PPM1H: variants seen among roughly 807,000 people sequenced by gnomAD.
PPM1H encodes the protein protein phosphatase 1H.
Under a neutral mutation model 54.9 loss-of-function variants are expected in PPM1H, and 27 were observed. The observed-to-expected ratio is 0.49, with a 90% CI of 0.36 to 0.68. PPM1H has a LOEUF of 0.68. Among genes scored for constraint, PPM1H ranks in the 30% least tolerant of loss-of-function variants. The probability of loss-of-function intolerance (pLI) is 0.00; values close to 1 mark genes in which losing one functional copy is unlikely to be tolerated. For missense variants in PPM1H, 596 were observed against 667.8 expected (o/e 0.89, Z 1.19); for synonymous variants, 305 against 270.8 (o/e 1.13, Z -1.24).
At chr12:62,847,947 C>T (rs1338875960) in intron 1 of PPM1H, among the ~76,000 whole-genome samples, 4 of 152,094 alleles carry the variant, frequency 2.6e-5, no homozygotes, top group South Asian at 2.1e-4. Context: ...TTCCTTATTG[C>T]ATTTTAATCT....
chr12:62,669,720 C>T (rs957733828), intron 8 of PPM1H, among the ~76,000 whole-genome samples: 2 of 151,986 alleles, frequency 1.3e-5, no homozygotes, highest in African/African-American at 4.8e-5. Flanking sequence ...TCACTTGAGG[C>T]CAGGAGTTCG....
chr12:62,934,812 A>G lies in PPM1H; in HGVS notation c.-76T>C. On this transcript the variant is annotated 5_prime_UTR_variant, in exon 1 of 10. Coordinates refer to ENST00000228705, the MANE Select transcript of PPM1H (RefSeq NM_020700.2). This position sits in a 1 kb window ranked among gnomAD's most constrained non-coding sequence, Gnocchi z 4.2. The stretch of plus-strand genomic sequence containing the variant: ...GGGCAAGGCGCAGCGCGGGGCATGC[A>G]GGCTGCGGTGGGCGCCGGGCGCACG... 1 of 1,273,112 alleles carries G rather than the reference A, an allele frequency of 7.9e-7. No individual in the cohort carries two copies. Among genetic ancestry groups the G allele is most frequent in the Non-Finnish European group, 1.0e-6 (1 of 1,004,662 alleles). The allele number at this position is 1,273,112 out of a possible 1,614,324, so 78.9% of individuals were successfully genotyped here. A position where few individuals can be genotyped will look rare whatever the true frequency, so the allele number is the denominator to read the frequency against.
At chr12:62,719,279 T>C (rs2076251501) in intron 6 of PPM1H, among the ~76,000 whole-genome samples, 1 of 152,174 alleles carries the variant, frequency 6.6e-6, no homozygotes, top group Non-Finnish European at 1.5e-5. Flanking sequence ...TTTTGGTCAA[T>C]GGGGAAGAGA....
intron 9 of PPM1H, among the ~76,000 whole-genome samples, chr12:62,654,197 G>A (rs2075831035): frequency 8.5e-6 from 1 of 117,628 alleles, no homozygotes; most frequent in Non-Finnish European, 1.6e-5. Flanking sequence ...CAATCTGGGT[G>A]ACAGAGAGAG....
At chr12:62,696,208 CAG>C (rs1359853531) in intron 6 of PPM1H, among the ~76,000 whole-genome samples, 2 of 152,176 alleles carry the variant, frequency 1.3e-5, no homozygotes, top group African/African-American at 2.4e-5. Flanking sequence ...TCTCACATGG[CAG>C]AGTGTTGCAG....
At chr12:62,791,983 A>G (rs1170888806) in intron 3 of PPM1H, among the ~76,000 whole-genome samples, 1 of 152,180 alleles carries the variant, frequency 6.6e-6, no homozygotes, top group African/African-American at 2.4e-5. Context: ...TAGAATGTGA[A>G]TGATGTTTGT....
At chr12:62,896,858 C>A (rs1179051657) in intron 1 of PPM1H, among the ~76,000 whole-genome samples, 1 of 152,076 alleles carries the variant, frequency 6.6e-6, no homozygotes, top group African/African-American at 2.4e-5. Context: ...CCCAAATGTC[C>A]ATCAATGATA....
At chr12:62,686,945 T>A (rs117336450) in intron 8 of PPM1H, among the ~76,000 whole-genome samples, 1 of 152,154 alleles carries the variant, frequency 6.6e-6, no homozygotes, top group Admixed American at 6.5e-5. Context: ...TTTGTGCCCA[T>A]AAAGGGTACT....
chr12:62,651,938 G>C (rs1337291830), intron 9 of PPM1H, among the ~76,000 whole-genome samples: 1 of 152,136 alleles, frequency 6.6e-6, no homozygotes, highest in African/African-American at 2.4e-5. Context: ...CCCACTCCAA[G>C]TTCTCCTGTG....
intron 2 of PPM1H, among the ~76,000 whole-genome samples, chr12:62,818,899 T>A (rs1302988265): frequency 6.8e-6 from 1 of 147,638 alleles, no homozygotes; most frequent in Non-Finnish European, 1.5e-5. Flanking sequence ...TGGCCCACTG[T>A]AACCTCCACC....
chr12:62,708,496 G>A (rs913756915), intron 6 of PPM1H, among the ~76,000 whole-genome samples: 1 of 152,138 alleles, frequency 6.6e-6, no homozygotes, highest in Admixed American at 6.5e-5. Flanking sequence ...ATCAAGCTCT[G>A]GTAAGAGTGA....
intron 1 of PPM1H, among the ~76,000 whole-genome samples, chr12:62,910,980 T>C (rs1871441087): frequency 6.6e-6 from 1 of 152,146 alleles, no homozygotes; most frequent in African/African-American, 2.4e-5. Flanking sequence ...ACCTACAATG[T>C]GGCAGGCTCC....
chr12:62,768,568 C>T (rs976519926), intron 4 of PPM1H, among the ~76,000 whole-genome samples: 18 of 151,880 alleles, frequency 1.2e-4, no homozygotes, highest in African/African-American at 1.7e-4. Flanking sequence ...GGCAGGAGAA[C>T]GGCTTGAACC....
intron 4 of PPM1H, among the ~76,000 whole-genome samples, chr12:62,783,605 T>C (rs979282859): frequency 6.6e-6 from 1 of 152,246 alleles, no homozygotes; most frequent in Non-Finnish European, 1.5e-5. Context: ...GTTTATTTAT[T>C]GGTAAATTGT....
intron 1 of PPM1H, among the ~76,000 whole-genome samples, chr12:62,841,500 G>A: frequency 6.6e-6 from 1 of 152,098 alleles, no homozygotes; most frequent in Non-Finnish European, 1.5e-5. Flanking sequence ...GGGACTATCT[G>A]GCTCACAAAG....
chr12:62,859,661 G>C (rs1302864945), intron 1 of PPM1H, among the ~76,000 whole-genome samples: 2 of 152,132 alleles, frequency 1.3e-5, no homozygotes, highest in Non-Finnish European at 2.9e-5. Flanking sequence ...TCAAGGCTTT[G>C]CATTCAAAAA....
At chr12:62,766,786 T>G (rs1038652189) in intron 4 of PPM1H, among the ~76,000 whole-genome samples, 3 of 152,210 alleles carry the variant, frequency 2.0e-5, no homozygotes, top group African/African-American at 7.2e-5. Flanking sequence ...CAGGAAACCA[T>G]TGTGCAGGGC....
chr12:62,920,251 C>G (rs565513915), intron 1 of PPM1H, among the ~76,000 whole-genome samples: 41 of 152,338 alleles, frequency 2.7e-4, no homozygotes, highest in African/African-American at 9.1e-4. Context: ...AGAGTCCATC[C>G]TCCTCGGTTA....
At chr12:62,670,715 G>A (rs898751362) in intron 8 of PPM1H, among the ~76,000 whole-genome samples, 5 of 152,032 alleles carry the variant, frequency 3.3e-5, no homozygotes, top group African/African-American at 7.2e-5. Flanking sequence ...TTCTATGCTC[G>A]GCTCCCTAAT....
Sources: gnomAD v4.1 joint callset for allele counts (sites outside exome capture counted in the v4.1 genomes callset) on GRCh38, gnomAD v4.1.1 for gene constraint, Gnocchi (gnomAD v3.1) non-coding constraint, MANE v1.5 for transcripts, NCBI Gene and HGNC (gene_info 2026-07-23, HGNC 2026-07-21) for gene names.